Variants in CAST observed in about 807,000 individuals in gnomAD.
CAST encodes calpastatin.
Under a neutral mutation model 119.6 loss-of-function variants are expected in CAST, and 76 were observed. That is an observed-to-expected ratio of 0.64 (90% CI 0.53 to 0.77). The LOEUF (loss-of-function observed/expected upper bound fraction) is 0.77. Ranked by LOEUF, CAST falls within the 30% of genes least tolerant of loss-of-function variation. The pLI is 0.00. For synonymous variants in CAST, 319 were observed against 331.6 expected (o/e 0.96, Z 0.41); for missense variants, 953 against 946.5 (o/e 1.01, Z -0.09).
chr5:96,464,370 G>C, the CAST span, among the ~76,000 whole-genome samples: 2 of 151,826 alleles, frequency 1.3e-5, no homozygotes, highest in East Asian at 3.9e-4. Context: ...ATTGAAATGG[G>C]GCCTCATATA....
At chr5:96,332,415 C>CT in the CAST span, among the ~76,000 whole-genome samples, 3,504 of 143,248 alleles carry the variant, frequency 0.024, 119 homozygotes, top group African/African-American at 0.08. Flanking sequence ...TTGATTTCGG[C>CT]TTTTTTTTTT....
At chr5:96,614,640 A>G (rs1747421254) in intron 1 of CAST, among the ~76,000 whole-genome samples, 1 of 152,222 alleles carries the variant, frequency 6.6e-6, no homozygotes, top group Non-Finnish European at 1.5e-5. Flanking sequence ...CCAAAGATTC[A>G]GAGGAAATCC....
At chr5:96,120,350 G>A in the CAST span, among the ~76,000 whole-genome samples, 154 of 152,206 alleles carry the variant, frequency 1.0e-3, no homozygotes, top group African/African-American at 3.4e-3. Flanking sequence ...GTGCAAAGCC[G>A]GAAGCAACAG....
chr5:96,245,217 C>A, the CAST span, among the ~76,000 whole-genome samples: 4 of 152,104 alleles, frequency 2.6e-5, no homozygotes, highest in Admixed American at 2.6e-4. Flanking sequence ...AAAGTTTTTT[C>A]TTTGCTGAAG....
intron 3 of CAST, among the ~76,000 whole-genome samples, chr5:96,706,467 A>G (rs189029767): frequency 6.6e-6 from 1 of 152,208 alleles, no homozygotes; most frequent in African/African-American, 2.4e-5. Flanking sequence ...TTAAAGGAAG[A>G]GGGTTGAGGT....
intron 1 of CAST, among the ~76,000 whole-genome samples, chr5:96,638,847 A>G (rs1004424912): frequency 6.6e-6 from 1 of 152,202 alleles, no homozygotes; most frequent in African/African-American, 2.4e-5. Flanking sequence ...AAGTTGCAGA[A>G]CAAACTTTTA....
intron 1 of CAST, among the ~76,000 whole-genome samples, chr5:96,622,013 G>A (rs997148480): frequency 8.2e-5 from 10 of 121,934 alleles, no homozygotes; most frequent in South Asian, 2.7e-4. Flanking sequence ...TCTGTTGCCC[G>A]GGCTGGAGTG....
chr5:96,268,140 C>A, the CAST span, among the ~76,000 whole-genome samples: 1 of 151,810 alleles, frequency 6.6e-6, no homozygotes, highest in Non-Finnish European at 1.5e-5. Flanking sequence ...ATAACCTAGC[C>A]ACAAAGAAAG....
chr5:96,051,059 TA>T, the CAST span, among the ~76,000 whole-genome samples: 8 of 152,200 alleles, frequency 5.3e-5, no homozygotes, highest in Non-Finnish European at 8.8e-5. Flanking sequence ...TAAATTAACT[TA>T]AAAAAAATCA....
chr5:96,370,762 T>A, the CAST span, among the ~76,000 whole-genome samples: 87 of 152,192 alleles, frequency 5.7e-4, no homozygotes, highest in Non-Finnish European at 1.2e-3. Flanking sequence ...GGTGGAATTA[T>A]GAGAAAACAT....
upstream of CAST, among the ~76,000 whole-genome samples, chr5:96,660,550 T>G (rs748257299): frequency 3.3e-5 from 5 of 152,192 alleles, no homozygotes; most frequent in Non-Finnish European, 7.3e-5. Flanking sequence ...CCTCAAACTC[T>G]AATGCCACCA....
chr5:96,451,044 G>T, the CAST span, among the ~76,000 whole-genome samples: 1 of 152,114 alleles, frequency 6.6e-6, no homozygotes, highest in East Asian at 1.9e-4. Context: ...CATCCACCAA[G>T]ATCTGACCTA....
chr5:96,747,021 T>C (rs1317804236), intron 17 of CAST, among the ~76,000 whole-genome samples: 1 of 152,236 alleles, frequency 6.6e-6, no homozygotes. Flanking sequence ...GGTTGGAGAA[T>C]TGGGGTTTTT....
At chr5:96,066,138 C>T in the CAST span, among the ~76,000 whole-genome samples, 1 of 152,124 alleles carries the variant, frequency 6.6e-6, no homozygotes, top group South Asian at 2.1e-4. Context: ...CTAGGTCTAT[C>T]ATTAAAAGAG....
At chr5:96,341,331 C>T in the CAST span, among the ~76,000 whole-genome samples, 1 of 148,434 alleles carries the variant, frequency 6.7e-6, no homozygotes, top group Admixed American at 6.8e-5. Context: ...CCCATCCCCC[C>T]ACCCTCCACC....
At chr5:96,712,858 GT>G (rs1181178011) in intron 3 of CAST, among the ~76,000 whole-genome samples, 1 of 152,088 alleles carries the variant, frequency 6.6e-6, no homozygotes, top group Non-Finnish European at 1.5e-5. Flanking sequence ...ATATTCTTCA[GT>G]GAAAGGTGGG....
the CAST span, among the ~76,000 whole-genome samples, chr5:96,070,053 C>A: frequency 1.3e-4 from 20 of 152,224 alleles, 1 homozygote; most frequent in South Asian, 4.1e-3. Flanking sequence ...AGACATAATT[C>A]TCTCTTCCTT....
chr5:96,356,611 TTTGTCAGGG>T, the CAST span, among the ~76,000 whole-genome samples: 4 of 152,220 alleles, frequency 2.6e-5, no homozygotes, highest in African/African-American at 9.6e-5. Flanking sequence ...ATTGCTTGTT[TTTGTCAGGG>T]TTGTCAAAGA....
chr5:96,120,556 TC>T, the CAST span, among the ~76,000 whole-genome samples: 2 of 151,476 alleles, frequency 1.3e-5, no homozygotes, highest in Non-Finnish European at 2.9e-5. Context: ...ATGTTCAGGC[TC>T]TGACCCTGTG....
Sources: gnomAD v4.1 joint callset for allele counts (sites outside exome capture counted in the v4.1 genomes callset) on GRCh38, gnomAD v4.1.1 for gene constraint, MANE v1.5 for transcripts, NCBI Gene and HGNC (gene_info 2026-07-23, HGNC 2026-07-21) for gene names.